Variants in NWD1 observed in about 807,000 individuals in gnomAD.
NWD1 encodes NACHT and WD repeat domain containing 1.
NWD1 carries 129 observed loss-of-function variants against 135.1 expected under a neutral mutation model. The ratio of observed to expected loss-of-function variants is 0.96; its 90% CI spans 0.83 to 1.11. The LOEUF is 1.11. Ranked by LOEUF, NWD1 falls within the 50% of genes least tolerant of loss-of-function variation. NWD1 has a pLI of 0.00. For synonymous variants in NWD1, 773 were observed against 786.0 expected (o/e 0.98, Z 0.28); for missense variants, 1,740 against 1,851.3 (o/e 0.94, Z 1.10).
chr19:16,781,541 A>G (rs766086878), intron 12 of NWD1, among the ~76,000 whole-genome samples: 2 of 151,932 alleles, frequency 1.3e-5, no homozygotes, highest in African/African-American at 2.4e-5. Flanking sequence ...GCTTGAGCTC[A>G]GGAGATTGGG....
intron 6 of NWD1, among the ~76,000 whole-genome samples, chr19:16,753,381 G>A (rs1252026362): frequency 6.6e-6 from 1 of 152,192 alleles, no homozygotes; most frequent in African/African-American, 2.4e-5. Flanking sequence ...GGGGTGGCGG[G>A]GGAGGTGGTT....
chr19:16,774,320 T>C (rs1246260422), intron 11 of NWD1, among the ~76,000 whole-genome samples: 5 of 127,750 alleles, frequency 3.9e-5, no homozygotes, highest in African/African-American at 1.1e-4. Flanking sequence ...ATCAAACCAC[T>C]TTCCTCTCCA....
intron 17 of NWD1, among the ~76,000 whole-genome samples, chr19:16,805,307 C>A (rs932738072): frequency 2.0e-5 from 3 of 152,064 alleles, no homozygotes; most frequent in African/African-American, 7.2e-5. Context: ...GATCCACCTG[C>A]CTCGGCCTCC....
At chr19:16,790,465 G>A (rs534908397) in intron 13 of NWD1, among the ~76,000 whole-genome samples, 3 of 151,714 alleles carry the variant, frequency 2.0e-5, no homozygotes, top group South Asian at 2.1e-4. Context: ...TGAAATTCGG[G>A]GGGTAGGGGG....
chr19:16,774,930 C>G (rs1435401257), intron 11 of NWD1, among the ~76,000 whole-genome samples: 4 of 152,114 alleles, frequency 2.6e-5, no homozygotes, highest in Non-Finnish European at 5.9e-5. Context: ...ATTCCTCCAT[C>G]TACCCATCTA....
intron 5 of NWD1, among the ~76,000 whole-genome samples, chr19:16,745,351 C>G (rs540795667): frequency 6.6e-6 from 1 of 152,074 alleles, no homozygotes; most frequent in South Asian, 2.1e-4. Context: ...ACAGCCAAAC[C>G]ATATCAGGGG....
chr19:16,790,950 G>A lies in NWD1; in HGVS notation c.2941-400G>A, dbSNP rs115451980. Among the ~76,000 whole-genome samples the A allele has an allele frequency of 4.1e-3, 619 of 152,168 alleles. 1 individual carries two copies. The highest frequency in any genetic ancestry group is 0.014 in the African/African-American group (594 of 41,510). Reference sequence around the variant, plus strand: ...GGGAGTGTTAAAAATAAAATGCATAGGCCGGGTGCAGTGGCTCACACTCAT... The same window carrying A: ...GGGAGTGTTAAAAATAAAATGCATAAGCCGGGTGCAGTGGCTCACACTCAT... On this transcript the variant is annotated intron_variant, in intron 13 of 18. Coordinates refer to ENST00000524140, the MANE Select transcript of NWD1 (RefSeq NM_001007525.5).
At chr19:16,792,213 T>C (rs1970270810) in intron 14 of NWD1, among the ~76,000 whole-genome samples, 1 of 152,040 alleles carries the variant, frequency 6.6e-6, no homozygotes, top group Admixed American at 6.6e-5. Flanking sequence ...CCTGCCCTGT[T>C]GGTGGTTGGT....
At chr19:16,751,725 C>T (rs1182628324) in intron 6 of NWD1, among the ~76,000 whole-genome samples, 4 of 150,674 alleles carry the variant, frequency 2.7e-5, no homozygotes, top group East Asian at 2.0e-4. Context: ...CACTTGAACC[C>T]GGGAGGCAGA....
At position 16,749,689 on chromosome 19, in the gene NWD1, C is replaced by T; in HGVS notation, c.1047C>T (p.Ala349=). ...LFGPPGIGKT[A]LMCKLAEQMP... Reference sequence around the variant, plus strand: ...GGCCCCCAGGCATTGGAAAGACAGCCCTGATGTGCAAGCTGGCTGAGCAGA... The same window carrying T: ...GGCCCCCAGGCATTGGAAAGACAGCTCTGATGTGCAAGCTGGCTGAGCAGA... The change falls in exon 6 of 19, where the codon GCC becomes GCT. Residue 349 remains alanine, a synonymous_variant. Coordinates refer to ENST00000524140, the MANE Select transcript of NWD1 (RefSeq NM_001007525.5). 6.2e-7 allele frequency: 1 copy of T among 1,602,172 alleles called. No homozygotes were observed. Among genetic ancestry groups the T allele is most frequent in the Admixed American group, 1.7e-5 (1 of 59,166 alleles).
chr19:16,814,705 C>T (rs373981941), intron 18 of NWD1, among the ~76,000 whole-genome samples: 7 of 152,326 alleles, frequency 4.6e-5, no homozygotes, highest in South Asian at 2.1e-4. Context: ...AAAGCCCATC[C>T]TGGGCCAGTT....
At chr19:16,737,277 C>T (rs896275138) in intron 4 of NWD1, among the ~76,000 whole-genome samples, 4 of 151,778 alleles carry the variant, frequency 2.6e-5, no homozygotes, top group African/African-American at 9.7e-5. Flanking sequence ...TTTTCTTTTT[C>T]TTTTTTGAGA....
At chr19:16,746,250 C>T (rs1271519850) in intron 5 of NWD1, among the ~76,000 whole-genome samples, 2 of 151,816 alleles carry the variant, frequency 1.3e-5, no homozygotes, top group East Asian at 1.9e-4. Context: ...GTCTCAGCTA[C>T]TCAGGAGAGT....
chr19:16,747,333 C>T (rs60227513), intron 5 of NWD1, among the ~76,000 whole-genome samples: 4,234 of 148,502 alleles, frequency 0.029, 165 homozygotes, highest in African/African-American at 0.096. Context: ...CCGCGCCTGG[C>T]TGACATTTTC....
chr19:16,755,241 G>T (rs570670856), intron 6 of NWD1, among the ~76,000 whole-genome samples: 1 of 152,078 alleles, frequency 6.6e-6, no homozygotes, highest in African/African-American at 2.4e-5. Context: ...GGGGGACAGG[G>T]TCTCACTCTC....
intron 18 of NWD1, among the ~76,000 whole-genome samples, chr19:16,813,742 G>T (rs1326065138): frequency 6.6e-6 from 1 of 151,814 alleles, no homozygotes; most frequent in Non-Finnish European, 1.5e-5. Context: ...CTCCCAAAGT[G>T]CTGGGATTAG....
chr19:16,815,161 A>G lies in NWD1; in HGVS notation c.*122A>G. On this transcript the variant is annotated 3_prime_UTR_variant, in exon 19 of 19. Transcript: ENST00000524140. The stretch of plus-strand genomic sequence containing the variant: ...TCCAGTGCCTTTCAGCAAAAGCCTC[A>G]CCGCAGGACCCTCTTAAGAACTTCA... 1.0e-6 allele frequency: 1 copy of G among 996,918 alleles called. No homozygotes were observed. The highest frequency in any genetic ancestry group is 1.6e-6 in the Non-Finnish European group (1 of 615,926). 61.8% of individuals were successfully genotyped at this position (996,918 alleles called of 1,614,324 possible).
chr19:16,774,143 C>T (rs1329738306), intron 11 of NWD1, among the ~76,000 whole-genome samples: 2 of 146,844 alleles, frequency 1.4e-5, no homozygotes, highest in Non-Finnish European at 3.0e-5. Context: ...CCATCTACTG[C>T]CCCATCCATC....
At chr19:16,764,065 G>A (rs756304107) in intron 9 of NWD1, 120 bp downstream of exon 9, 24 of 651,182 alleles carry the variant, frequency 3.7e-5, no homozygotes, top group Non-Finnish European at 6.3e-5. Flanking sequence ...CTAAGGCAGA[G>A]GTTCTCACAA....
Sources: allele counts gnomAD v4.1 joint callset (sites outside exome capture counted in the v4.1 genomes callset), GRCh38; gene constraint gnomAD v4.1.1; transcripts MANE v1.5; gene names NCBI Gene and HGNC (gene_info 2026-07-23, HGNC 2026-07-21).